Variants in CFAP46 observed in about 807,000 individuals in gnomAD.
CFAP46 encodes cilia and flagella associated protein 46.
CFAP46 carries 245 observed loss-of-function variants against 325.7 expected under a neutral mutation model. That is an observed-to-expected ratio of 0.75 (90% CI 0.68 to 0.84). The LOEUF is 0.84. CFAP46 is among the 40% of genes least tolerant of loss of function. CFAP46 has a pLI of 0.00. For missense variants in CFAP46, 3,346 were observed against 3,543.0 expected, an observed-to-expected ratio of 0.94 and a Z score of 1.41; for synonymous variants, 1,523 against 1,495.9, an observed-to-expected ratio of 1.02 and a Z score of -0.42.
At chr10:132,908,146 C>T (rs1318359860) in intron 22 of CFAP46, among the ~76,000 whole-genome samples, 6 of 152,244 alleles carry the variant, frequency 3.9e-5, no homozygotes, top group East Asian at 1.9e-4. Flanking sequence ...CATGAGGGCA[C>T]GGGGCCGGCA....
rs1847642587 is a variant in CFAP46 at position 132,814,227 on chromosome 10, T to G, written c.7313A>C (p.Gln2438Pro). ...GTCTTGGAATCTTTCCAAAATGTCT[T>G]GGGTGATGGAGACAGGAGTTAGCAT... Reference protein sequence around the residue: ...PEMLTPVSITQDILERFQDTF... With the variant: ...PEMLTPVSITPDILERFQDTF... Residue 2438 changes from glutamine (Q) to proline (P), a missense_variant, in exon 54 of 58, where the codon CAA becomes CCA. By Grantham distance (76) the Gln-to-Pro change is moderately conservative. Transcript: ENST00000368586. The G allele has an allele frequency of 6.2e-7, 1 of 1,613,804 alleles. No individual in the cohort carries two copies. The highest frequency in any genetic ancestry group is 8.5e-7 in the Non-Finnish European group (1 of 1,179,880).
intron 17 of CFAP46, 123 bp from the exon 18 acceptor site, chr10:132,913,381 G>GGGGC: frequency 4.0e-5 from 14 of 350,498 alleles, no homozygotes; most frequent in East Asian, 1.6e-4. Context: ...GGGCGGGTGG[G>GGGGC]CGGCGACCAA....
chr10:132,911,172 C>T (rs1035703268), intron 19 of CFAP46, among the ~76,000 whole-genome samples: 3 of 152,254 alleles, frequency 2.0e-5, no homozygotes, highest in Non-Finnish European at 2.9e-5. Flanking sequence ...TGTAGGTCCC[C>T]GGAGCCGGCC....
intron 41 of CFAP46, among the ~76,000 whole-genome samples, chr10:132,848,905 A>G (rs1460077254): frequency 1.3e-5 from 2 of 152,188 alleles, no homozygotes; most frequent in Non-Finnish European, 2.9e-5. Flanking sequence ...TGTCGATCCT[A>G]CGTATCAAAA....
chr10:132,929,870 G>C (rs1163842020), intron 8 of CFAP46, 66 bp from the exon 9 acceptor site: 6 of 1,114,376 alleles, frequency 5.4e-6, no homozygotes, highest in Non-Finnish European at 7.9e-6. Context: ...CTGCAGGCGA[G>C]AATCCATGTC....
intron 45 of CFAP46, 103 bp from the exon 46 acceptor site, chr10:132,836,321 G>A: frequency 9.4e-7 from 1 of 1,060,268 alleles, no homozygotes; most frequent in Non-Finnish European, 1.4e-6. Flanking sequence ...GGCCAACTCT[G>A]CAGACCATGG....
At chr10:132,897,208 G>A (rs1403402172) in intron 24 of CFAP46, among the ~76,000 whole-genome samples, 1 of 152,192 alleles carries the variant, frequency 6.6e-6, no homozygotes, top group Non-Finnish European at 1.5e-5. Flanking sequence ...AGCAGGACCA[G>A]GGATATGACA....
intron 35 of CFAP46, among the ~76,000 whole-genome samples, chr10:132,865,078 C>G (rs1018999279): frequency 6.6e-6 from 1 of 152,200 alleles, no homozygotes; most frequent in Non-Finnish European, 1.5e-5. Context: ...CTCTCTTTTT[C>G]TGGAGTTTTT....
At chr10:132,846,608 C>G (rs1848441112) in intron 43 of CFAP46, among the ~76,000 whole-genome samples, 1 of 152,130 alleles carries the variant, frequency 6.6e-6, no homozygotes, top group Admixed American at 6.5e-5. Context: ...GGACAGGGAC[C>G]TGCTGGCCTG....
At chr10:132,909,287 G>A (rs1849505525) in intron 20 of CFAP46, 43 bp from the exon 21 acceptor site, 1 of 1,379,772 alleles carries the variant, frequency 7.2e-7, no homozygotes, top group African/African-American at 1.4e-5. Flanking sequence ...CAAGCGTGCG[G>A]GGGGAGTCTG....
At chr10:132,927,564 C>G (rs1234917756) in intron 9 of CFAP46, among the ~76,000 whole-genome samples, 2 of 152,226 alleles carry the variant, frequency 1.3e-5, no homozygotes, top group Non-Finnish European at 2.9e-5. Flanking sequence ...GTGCCCCGGC[C>G]TGTCCAGCGG....
chr10:132,912,930 C>A (rs1849576512), intron 18 of CFAP46, 110 bp from the exon 19 acceptor site: 2 of 1,480,978 alleles, frequency 1.4e-6, no homozygotes, highest in African/African-American at 1.4e-5. Context: ...CGGGTGCCCA[C>A]GACCCTCCTC....
intron 8 of CFAP46, among the ~76,000 whole-genome samples, chr10:132,932,831 G>A (rs112399908): frequency 3.3e-5 from 5 of 152,388 alleles, no homozygotes; most frequent in African/African-American, 9.6e-5. Flanking sequence ...CCACTCTAAG[G>A]CTTCCTGTTG....
In CFAP46 at chr10:132,912,604, CCTCTCTCTCTCT is replaced by C. The variant is rs59827475; in HGVS notation, c.2499+39_2499+50del. ...CCTCTCCTCTCTCTCTCTCCTCTCT[CCTCTCTCTCTCT>C]CTCTCTCTCTCTCTCTCTCGGCATC... On this transcript the variant is annotated intron_variant, in intron 19 of 57. Coordinates refer to ENST00000368586, the MANE Select transcript of CFAP46 (RefSeq NM_001200049.3). 9.0e-3 allele frequency: 11,745 copies of C among 1,305,898 alleles called. 45 individuals carry two copies. Among genetic ancestry groups the C allele is most frequent in the Admixed American group, 0.018 (657 of 36,130 alleles). The allele number at this position is 1,305,898 out of a possible 1,614,324, so 80.9% of individuals were successfully genotyped here.
rs1849980012 is a variant in CFAP46, at chr10:132,935,414, CTGAGAT to C, written c.756-558_756-553del. Among the ~76,000 whole-genome samples, 2 of 144,380 alleles carry C rather than the reference CTGAGAT, an allele frequency of 1.4e-5. 1 individual carries two copies. The highest frequency in any genetic ancestry group is 5.5e-5 in the African/African-American group (2 of 36,424). The allele number at this position is 144,380 out of a possible 152,430, so 94.7% of individuals were successfully genotyped here. ...TCACTCCCCTCAGCACCCAAACACA[CTGAGAT>C]CTTCTCATTCCCCTCAGCACCCAAA... On this transcript the variant is annotated intron_variant, in intron 7 of 57. Transcript: ENST00000368586.
chr10:132,858,944 G>T (rs73391293), intron 38 of CFAP46, 127 bp downstream of exon 38: 33,416 of 915,496 alleles, frequency 0.037, 3,025 homozygotes, highest in African/African-American at 0.3. Flanking sequence ...CTTCCCAGGG[G>T]AGGGTCCTGT....
intron 50 of CFAP46, among the ~76,000 whole-genome samples, chr10:132,822,247 T>C (rs111210376): frequency 2.0e-5 from 2 of 101,284 alleles, no homozygotes; most frequent in African/African-American, 3.6e-5. Flanking sequence ...GTGCTGTGTG[T>C]GCGCTGATGT....
intron 8 of CFAP46, among the ~76,000 whole-genome samples, chr10:132,930,206 G>A (rs1307052593): frequency 1.3e-5 from 2 of 152,016 alleles, no homozygotes; most frequent in East Asian, 1.9e-4. Flanking sequence ...GCCATGCAGG[G>A]AAGAGGCAGG....
rs897693196 is a variant in CFAP46, at chr10:132,869,518, C to T, written c.4512-146G>A. 1.3e-5 allele frequency: 7 copies of T among 555,574 alleles called. No individual in the cohort carries two copies. The highest frequency in any genetic ancestry group is 3.2e-5 in the South Asian group (1 of 30,828). The allele number at this position is 555,574 out of a possible 1,614,324, so 34.4% of individuals were successfully genotyped here. The stretch of plus-strand genomic sequence containing the variant: ...ATTTTCAATCATTTTTAAAGGTAAG[C>T]GAAATTACTAGGGAAAAGTGCCCGG... On this transcript the variant is annotated intron_variant, in intron 32 of 57. Coordinates refer to ENST00000368586, the MANE Select transcript of CFAP46 (RefSeq NM_001200049.3). The surrounding 1 kb of genome is among the most constrained non-coding windows in gnomAD (Gnocchi z 6.2).
Sources: allele counts gnomAD v4.1 joint callset (sites outside exome capture counted in the v4.1 genomes callset), GRCh38; gene constraint gnomAD v4.1.1; non-coding constraint Gnocchi (gnomAD v3.1); transcripts MANE v1.5; gene names NCBI Gene and HGNC (gene_info 2026-07-23, HGNC 2026-07-21).